Variants in LRP1B observed in about 807,000 individuals in gnomAD.
The protein encoded by LRP1B is LDL receptor related protein 1B.
LRP1B carries 217 observed loss-of-function variants against 556.6 expected under a neutral mutation model. The observed-to-expected ratio is 0.39, with a 90% CI of 0.35 to 0.44. The LOEUF (loss-of-function observed/expected upper bound fraction) is 0.44, where lower values mean the gene tolerates loss of function less well. Among genes scored for constraint, LRP1B ranks in the 20% least tolerant of loss-of-function variants. The probability of loss-of-function intolerance (pLI) is 1.00; values close to 1 mark genes in which losing one functional copy is unlikely to be tolerated. For missense variants in LRP1B, 5,053 were observed against 5,620.8 expected (o/e 0.90, Z 3.23); for synonymous variants, 2,047 against 1,865.8 (o/e 1.10, Z -2.50).
At chr2:140,903,278 A>G in intron 22 of LRP1B, 113 bp from the exon 23 acceptor site, 1 of 1,249,052 alleles carries the variant, frequency 8.0e-7, no homozygotes, top group African/African-American at 1.5e-5. Flanking sequence ...CTACAAATGA[A>G]TATAAGAAAG....
chr2:141,084,931 G>A (rs1226007260), intron 7 of LRP1B, among the ~76,000 whole-genome samples: 3 of 152,100 alleles, frequency 2.0e-5, no homozygotes, highest in Non-Finnish European at 4.4e-5. Context: ...TTACAGGCGT[G>A]AGCCACCGCG....
chr2:140,395,381 T>G (rs1189205448), intron 66 of LRP1B, among the ~76,000 whole-genome samples: 1 of 152,226 alleles, frequency 6.6e-6, no homozygotes, highest in East Asian at 1.9e-4. Context: ...ATTGATTATC[T>G]GGAAAGCTGC....
At chr2:140,649,697 T>C (rs1684607168) in intron 41 of LRP1B, among the ~76,000 whole-genome samples, 1 of 152,238 alleles carries the variant, frequency 6.6e-6, no homozygotes, top group South Asian at 2.1e-4. Context: ...AGTATCAGAA[T>C]CACATTGGTT....
At chr2:141,032,399 A>G in intron 11 of LRP1B, among the ~76,000 whole-genome samples, 1 of 152,136 alleles carries the variant, frequency 6.6e-6, no homozygotes, top group Non-Finnish European at 1.5e-5. Context: ...TACCATTTAA[A>G]TTGACAGCTA....
intron 14 of LRP1B, among the ~76,000 whole-genome samples, chr2:141,005,666 T>C (rs1173072457): frequency 1.3e-5 from 2 of 151,976 alleles, no homozygotes; most frequent in African/African-American, 2.4e-5. Flanking sequence ...TTCTCATTAA[T>C]TGGAGGAGAT....
chr2:140,711,534 T>C (rs368486548), intron 37 of LRP1B, among the ~76,000 whole-genome samples: 3 of 152,044 alleles, frequency 2.0e-5, no homozygotes, highest in Admixed American at 2.0e-4. Context: ...ATAACCTTTT[T>C]TCTCCTTTTT....
intron 77 of LRP1B, among the ~76,000 whole-genome samples, chr2:140,346,903 C>A (rs1445587282): frequency 6.6e-6 from 1 of 151,862 alleles, no homozygotes; most frequent in Non-Finnish European, 1.5e-5. Flanking sequence ...CAGTAAAAAT[C>A]ATGTTTATCC....
chr2:140,808,810 TA>T (rs779168400), intron 32 of LRP1B, among the ~76,000 whole-genome samples: 17 of 152,178 alleles, frequency 1.1e-4, no homozygotes, highest in Non-Finnish European at 1.9e-4. Flanking sequence ...ACTCAAATAA[TA>T]GTTACACCTG....
At chr2:141,224,092 A>G (rs1683149389) in intron 6 of LRP1B, among the ~76,000 whole-genome samples, 1 of 152,194 alleles carries the variant, frequency 6.6e-6, no homozygotes, top group Admixed American at 6.6e-5. Flanking sequence ...TAGAGCAAAC[A>G]GACATCCTAC....
At position 141,785,414 on chromosome 2, in the gene LRP1B, C is replaced by T. The variant is rs547346974; in HGVS notation, c.205+24865G>A. ...TGAGAAATGTGTGATAGCAAGAAGC[C>T]GAACTTAACATACAGTTGTATGATC... On this transcript the variant is annotated intron_variant, in intron 2 of 90. Coordinates refer to ENST00000389484, the MANE Select transcript of LRP1B (RefSeq NM_018557.3). Among the ~76,000 whole-genome samples, 13 of 151,878 alleles carry T rather than the reference C, an allele frequency of 8.6e-5. No individual in the cohort carries two copies. The South Asian group carries it at 2.3e-3, about 27-fold the overall frequency.
intron 6 of LRP1B, among the ~76,000 whole-genome samples, chr2:141,217,838 G>A (rs414006): frequency 0.11 from 16,680 of 152,006 alleles, 1,047 homozygotes; most frequent in South Asian, 0.19. Context: ...TGCATCTGAT[G>A]AAAGACTGAT....
chr2:140,833,100 A>G (rs1012112009), intron 31 of LRP1B, among the ~76,000 whole-genome samples: 1 of 152,296 alleles, frequency 6.6e-6, no homozygotes, highest in Non-Finnish European at 1.5e-5. Context: ...TGTCCTTTCC[A>G]GTGTTGGTTC....
chr2:140,468,014 T>C (rs1275694596), intron 60 of LRP1B, among the ~76,000 whole-genome samples: 2 of 152,182 alleles, frequency 1.3e-5, no homozygotes. Context: ...AAGAGATTAG[T>C]ATAGATGGGT....
chr2:141,104,442 G>A (rs1201249756), intron 7 of LRP1B, among the ~76,000 whole-genome samples: 1 of 152,028 alleles, frequency 6.6e-6, no homozygotes, highest in African/African-American at 2.4e-5. Flanking sequence ...GTGCAATAAA[G>A]AAGATGACCT....
At chr2:140,889,164 G>A (rs1186662554) in intron 23 of LRP1B, among the ~76,000 whole-genome samples, 1 of 152,158 alleles carries the variant, frequency 6.6e-6, no homozygotes, top group Non-Finnish European at 1.5e-5. Context: ...AAGTCACATA[G>A]TAATTGAGAA....
chr2:140,573,642 A>C (rs1242092099), intron 43 of LRP1B, among the ~76,000 whole-genome samples: 1 of 152,052 alleles, frequency 6.6e-6, no homozygotes, highest in East Asian at 1.9e-4. Context: ...AGAGAATAAG[A>C]GGACAGTTCT....
intron 41 of LRP1B, among the ~76,000 whole-genome samples, chr2:140,623,792 G>A (rs1683543078): frequency 6.6e-6 from 1 of 151,674 alleles, no homozygotes; most frequent in Non-Finnish European, 1.5e-5. Flanking sequence ...AGTGGTATGT[G>A]CCTGTAATTC....
At chr2:141,008,929 T>A (rs1172657604) in intron 14 of LRP1B, among the ~76,000 whole-genome samples, 1 of 151,956 alleles carries the variant, frequency 6.6e-6, no homozygotes, top group African/African-American at 2.4e-5. Flanking sequence ...TATATTAACA[T>A]CTCAATGTTT....
At chr2:140,504,640 T>C (rs974121044) in intron 53 of LRP1B, among the ~76,000 whole-genome samples, 7 of 152,178 alleles carry the variant, frequency 4.6e-5, no homozygotes, top group Non-Finnish European at 1.0e-4. Flanking sequence ...TCACATCTTA[T>C]TGACAAAATT....
Sources: allele counts gnomAD v4.1 joint callset (sites outside exome capture counted in the v4.1 genomes callset), GRCh38; gene constraint gnomAD v4.1.1; transcripts MANE v1.5; gene names NCBI Gene and HGNC (gene_info 2026-07-23, HGNC 2026-07-21).